The following TANGO6 variants were observed in gnomAD, a reference collection of about 807,000 sequenced individuals.
TANGO6 encodes transport and Golgi organization protein 6 homolog.
TANGO6 carries 90 observed loss-of-function variants against 114.2 expected under a neutral mutation model. The ratio of observed to expected loss-of-function variants is 0.79; its 90% CI spans 0.66 to 0.94. The LOEUF (loss-of-function observed/expected upper bound fraction) is 0.94. Among genes scored for constraint, TANGO6 ranks in the 40% least tolerant of loss-of-function variants. TANGO6 has a pLI of 0.00. For synonymous variants in TANGO6, 477 were observed against 509.8 expected (o/e 0.94, Z 0.87); for missense variants, 1,274 against 1,315.3 (o/e 0.97, Z 0.49).
intron 3 of TANGO6, among the ~76,000 whole-genome samples, chr16:68,865,902 A>G (rs1369056906): frequency 1.3e-5 from 2 of 151,682 alleles, no homozygotes; most frequent in East Asian, 1.9e-4. Flanking sequence ...TGGGCAACAG[A>G]GCAAGACTCC....
At chr16:68,922,045 C>T (rs1436541054) in intron 12 of TANGO6, among the ~76,000 whole-genome samples, 1 of 152,000 alleles carries the variant, frequency 6.6e-6, no homozygotes, top group Non-Finnish European at 1.5e-5. Flanking sequence ...GTCAGGCTAA[C>T]AATATACTGT....
rs183219651 is a variant in TANGO6, at chr16:68,925,663, G to A, written c.2128-1905G>A. Among the ~76,000 whole-genome samples the A allele has an allele frequency of 1.9e-3, 285 of 152,162 alleles. 1 individual carries two copies. The highest frequency in any genetic ancestry group is 3.3e-3 in the Admixed American group (51 of 15,290). ...TTCTTTCATAGATCATGCCTTTGCT[G>A]TTGTATTTAAAAGGTCATTGCTTTT... On this transcript the variant is annotated intron_variant, in intron 12 of 17. Coordinates refer to ENST00000261778, the MANE Select transcript of TANGO6 (RefSeq NM_024562.2).
intron 16 of TANGO6, among the ~76,000 whole-genome samples, chr16:69,028,096 A>G (rs1184170952): frequency 6.6e-6 from 1 of 151,860 alleles, no homozygotes; most frequent in Non-Finnish European, 1.5e-5. Flanking sequence ...AGTAGCTGGG[A>G]TTACAGGCAT....
intron 10 of TANGO6, among the ~76,000 whole-genome samples, chr16:68,908,945 A>C (rs1298063910): frequency 6.6e-6 from 1 of 152,218 alleles, no homozygotes; most frequent in African/African-American, 2.4e-5. Flanking sequence ...TTCACTCAGT[A>C]GTGTTTTTGA....
At chr16:69,038,416 C>T (rs1172159923) in intron 16 of TANGO6, among the ~76,000 whole-genome samples, 2 of 150,530 alleles carry the variant, frequency 1.3e-5, no homozygotes, top group Admixed American at 6.6e-5. Flanking sequence ...GATGACAGAG[C>T]GAGATCCTGT....
At chr16:68,915,173 CAA>C (rs1165497927) in intron 11 of TANGO6, among the ~76,000 whole-genome samples, 156 of 73,834 alleles carry the variant, frequency 2.1e-3, no homozygotes, top group African/African-American at 6.1e-3. Context: ...AACTCTGTCT[CAA>C]AAAAAAAAAA....
At chr16:68,971,956 T>C (rs1000005278) in intron 14 of TANGO6, among the ~76,000 whole-genome samples, 1 of 152,120 alleles carries the variant, frequency 6.6e-6, no homozygotes, top group Non-Finnish European at 1.5e-5. Context: ...TTTTCTATGC[T>C]ACAATATTCC....
intron 17 of TANGO6, among the ~76,000 whole-genome samples, chr16:69,064,456 A>C (rs996153204): frequency 6.6e-6 from 1 of 152,156 alleles, no homozygotes; most frequent in African/African-American, 2.4e-5. Flanking sequence ...TCCTAAAGGA[A>C]GCCTAAACCA....
chr16:68,953,662 A>T (rs1018135805), intron 14 of TANGO6, among the ~76,000 whole-genome samples: 1 of 152,142 alleles, frequency 6.6e-6, no homozygotes, highest in Non-Finnish European at 1.5e-5. Context: ...TTCTGTAGGG[A>T]AGATACTTAG....
chr16:69,050,778 G>A (rs985275834), intron 17 of TANGO6, among the ~76,000 whole-genome samples: 2 of 151,828 alleles, frequency 1.3e-5, no homozygotes, highest in Non-Finnish European at 2.9e-5. Context: ...TTGAGCCACC[G>A]CGCCCGGCCC....
Position 68,859,963 on chromosome 16 carries a change from G to A in TANGO6, c.174G>A (p.Glu58=). Residue 58 remains glutamate (E), a synonymous_variant, in exon 2 of 18, where the codon GAG becomes GAA. Transcript: ENST00000261778. ...TAAAATCTAACCTGTCTGCTTTGGA[G>A]GACAAGTTTCTGAAGGATCCTCAGT... ...ATLKSNLSAL[E]DKFLKDPQWK... is the part of the protein sequence containing the mutation. The A allele has an allele frequency of 6.2e-7, 1 of 1,612,870 alleles. No homozygotes were observed. The highest frequency in any genetic ancestry group is 8.5e-7 in the Non-Finnish European group (1 of 1,179,040).
intron 9 of TANGO6, among the ~76,000 whole-genome samples, chr16:68,906,018 A>C (rs908075658): frequency 5.3e-5 from 8 of 152,066 alleles, no homozygotes; most frequent in Admixed American, 1.3e-4. Context: ...GTCTCTACTA[A>C]AAATACAAAA....
chr16:68,898,124 T>C (rs1490798136), intron 7 of TANGO6, among the ~76,000 whole-genome samples: 1 of 152,016 alleles, frequency 6.6e-6, no homozygotes, highest in African/African-American at 2.4e-5. Flanking sequence ...AGCCGAACAA[T>C]AGGTCTTTAC....
intron 15 of TANGO6, among the ~76,000 whole-genome samples, chr16:68,991,019 C>G (rs938158755): frequency 1.2e-4 from 19 of 152,054 alleles, no homozygotes; most frequent in African/African-American, 4.6e-4. Context: ...GTGATAAAGA[C>G]AGAAAAAAGA....
chr16:69,048,299 G>C (rs1336134683), intron 17 of TANGO6, among the ~76,000 whole-genome samples: 1 of 134,228 alleles, frequency 7.5e-6, no homozygotes, highest in African/African-American at 3.1e-5. Context: ...GTGGGGTTTC[G>C]CCATGTTGGC....
intron 14 of TANGO6, among the ~76,000 whole-genome samples, chr16:68,962,116 C>G (rs577688350): frequency 7.7e-4 from 118 of 152,282 alleles, no homozygotes; most frequent in Middle Eastern, 6.8e-3. Flanking sequence ...CAAAGACAGC[C>G]CAGCTATTCA....
rs1228059458 is a variant in TANGO6, at chr16:68,897,512, A to G, written c.1378-2922A>G. Among the ~76,000 whole-genome samples, 3 of 152,192 alleles carry G rather than the reference A, an allele frequency of 2.0e-5. No individual in the cohort carries two copies. In the East Asian group the frequency reaches 5.8e-4, roughly 29 times the overall value. ...CATTATTTCCTAAATTTTAGGCACA[A>G]GTAGTACTTGTTCATTATAAGAAGA... On this transcript the variant is annotated intron_variant, in intron 7 of 17. Coordinates refer to ENST00000261778, the MANE Select transcript of TANGO6 (RefSeq NM_024562.2).
chr16:68,848,277 A>T (rs893150077), intron 1 of TANGO6, among the ~76,000 whole-genome samples: 2 of 152,022 alleles, frequency 1.3e-5, no homozygotes, highest in Non-Finnish European at 2.9e-5. Flanking sequence ...CTTTCCTTTT[A>T]TTCTTTTTTA....
At chr16:68,923,286 C>T (rs1963122249) in intron 12 of TANGO6, among the ~76,000 whole-genome samples, 2 of 152,006 alleles carry the variant, frequency 1.3e-5, no homozygotes, top group African/African-American at 4.8e-5. Flanking sequence ...GATCAAAGAC[C>T]ATTGCTCAGA....
Sources: gnomAD v4.1 joint callset for allele counts (sites outside exome capture counted in the v4.1 genomes callset) on GRCh38, gnomAD v4.1.1 for gene constraint, MANE v1.5 for transcripts, NCBI Gene and HGNC (gene_info 2026-07-23, HGNC 2026-07-21) for gene names.